The following C12orf42 variants were observed in gnomAD, a reference collection of about 807,000 sequenced individuals.
C12orf42 encodes chromosome 12 open reading frame 42, also known as uncharacterized protein C12orf42.
In C12orf42, 25 loss-of-function variants were observed where a neutral mutation model predicts 21.6. The observed-to-expected ratio is 1.16, with a 90% confidence interval of 0.84 to 1.62. The LOEUF (loss-of-function observed/expected upper bound fraction) is 1.62. Ranked by LOEUF, C12orf42 falls within the 40% of genes most tolerant of loss-of-function variation. The pLI is 0.00. For missense variants in C12orf42, 483 were observed against 459.3 expected (o/e 1.05, Z -0.47); for synonymous variants, 174 against 175.0 (o/e 0.99, Z 0.05).
At chr12:103,226,527 A>G in the C12orf42 span, among the ~76,000 whole-genome samples, 12 of 152,288 alleles carry the variant, frequency 7.9e-5, no homozygotes, top group Admixed American at 3.9e-4. Context: ...GATTTGGGAT[A>G]AAGAAAAAGG....
chr12:103,377,528 G>A, intron 3 of C12orf42, among the ~76,000 whole-genome samples: 1 of 152,086 alleles, frequency 6.6e-6, no homozygotes, highest in East Asian at 1.9e-4. Flanking sequence ...AGAGCAGGAG[G>A]AAAGGGCCCG....
rs376145997 is a variant in C12orf42, at chr12:103,369,123, A to C, written c.148-125T>G. 798 of 550,842 alleles carry C rather than the reference A, an allele frequency of 1.4e-3. 7 individuals are homozygous for C. The highest frequency in any genetic ancestry group is 0.013 in the African/African-American group (671 of 52,342). The allele number at this position is 550,842 out of a possible 1,614,324, so 34.1% of individuals were successfully genotyped here. ...ATTTTAAAAATATTTTTGTTTCTTT[A>C]TTCTTTAAATGAAACAATCCTGAAA... On this transcript the variant is annotated intron_variant, in intron 3 of 5. Transcript: ENST00000548883.
rs77343308 is a variant in C12orf42, at chr12:103,241,914, A to G, written c.*1367-4012T>C. Among the ~76,000 whole-genome samples, 506 of 152,278 alleles carry G rather than the reference A, an allele frequency of 3.3e-3. 6 individuals are homozygous for G. The highest frequency in any genetic ancestry group is 0.012 in the African/African-American group (491 of 41,570). On this transcript the variant is annotated intron_variant and NMD_transcript_variant, in intron 10 of 10. Coordinates refer to the C12orf42 transcript ENST00000547347. ...AAGAATGATTTTAAAATAAATGTAT[A>G]GGCACTAAACCTCAAGGTGGTTACT... is the stretch of plus-strand genomic sequence containing the variant.
chr12:103,335,483 T>C (rs1364828591), intron 4 of C12orf42, among the ~76,000 whole-genome samples: 3 of 152,206 alleles, frequency 2.0e-5, no homozygotes, highest in Non-Finnish European at 4.4e-5. Context: ...TTATTTAACA[T>C]ATATGGTGCA....
At chr12:103,182,826 A>T in the C12orf42 span, among the ~76,000 whole-genome samples, 2 of 152,266 alleles carry the variant, frequency 1.3e-5, no homozygotes, top group Non-Finnish European at 2.9e-5. Context: ...AAACAATGTG[A>T]TATCACAACC....
the C12orf42 span, among the ~76,000 whole-genome samples, chr12:103,082,348 T>C: frequency 1.3e-5 from 2 of 152,220 alleles, no homozygotes; most frequent in African/African-American, 2.4e-5. Flanking sequence ...AAAACTGGAA[T>C]GTATGATTAC....
the C12orf42 span, among the ~76,000 whole-genome samples, chr12:103,507,717 C>G: frequency 2.6e-5 from 4 of 151,824 alleles, no homozygotes; most frequent in African/African-American, 7.3e-5. Context: ...TAAAGTCAAC[C>G]TTTCATCGAC....
At chr12:103,463,935 T>C (rs958100467) in intron 2 of C12orf42, among the ~76,000 whole-genome samples, 5 of 152,252 alleles carry the variant, frequency 3.3e-5, no homozygotes, top group Non-Finnish European at 5.9e-5. Context: ...TAGTATTCCA[T>C]GGTGTATATG....
intron 2 of C12orf42, among the ~76,000 whole-genome samples, chr12:103,405,918 A>G (rs1330245596): frequency 6.6e-6 from 1 of 152,154 alleles, no homozygotes; most frequent in Non-Finnish European, 1.5e-5. Flanking sequence ...CACTTACTTG[A>G]ACCCTTTTTA....
chr12:103,160,395 T>G, the C12orf42 span, among the ~76,000 whole-genome samples: 1 of 152,250 alleles, frequency 6.6e-6, no homozygotes, highest in Non-Finnish European at 1.5e-5. Flanking sequence ...TACCCTGTTC[T>G]CTAATACCCT....
chr12:103,068,318 C>T, the C12orf42 span, among the ~76,000 whole-genome samples: 1 of 152,066 alleles, frequency 6.6e-6, no homozygotes, highest in Non-Finnish European at 1.5e-5. Flanking sequence ...AGTATTGTTA[C>T]TTAAATATGT....
intron 4 of C12orf42, among the ~76,000 whole-genome samples, chr12:103,324,323 A>G (rs977334329): frequency 7.2e-5 from 11 of 152,198 alleles, no homozygotes; most frequent in Non-Finnish European, 7.3e-5. Flanking sequence ...TGAGTAATTT[A>G]TCACTCTATT....
intron 10 of C12orf42, among the ~76,000 whole-genome samples, chr12:103,242,883 T>G (rs979288810): frequency 6.6e-6 from 1 of 152,196 alleles, no homozygotes; most frequent in African/African-American, 2.4e-5. Context: ...AAAGGAAGTT[T>G]GCTAATAAAA....
chr12:103,080,850 A>T, the C12orf42 span: 1 of 152,218 alleles, frequency 6.6e-6, no homozygotes, highest in Non-Finnish European at 1.5e-5. Context: ...TGAGATGAGT[A>T]ATTATAATCA....
At chr12:103,539,363 T>C in the C12orf42 span, among the ~76,000 whole-genome samples, 7 of 45,974 alleles carry the variant, frequency 1.5e-4, no homozygotes, top group Admixed American at 3.3e-4. Context: ...TGCTTGGTTC[T>C]TTTTTTTTTA....
the C12orf42 span, among the ~76,000 whole-genome samples, chr12:103,169,073 T>C: frequency 2.0e-5 from 3 of 151,964 alleles, no homozygotes; most frequent in Non-Finnish European, 1.5e-5. Context: ...GACAGGTTGA[T>C]TGGTGCAGCA....
intron 4 of C12orf42, among the ~76,000 whole-genome samples, chr12:103,280,266 G>A (rs2036023174): frequency 6.6e-6 from 1 of 152,178 alleles, no homozygotes; most frequent in Non-Finnish European, 1.5e-5. Context: ...ATGTAATCCA[G>A]TGGCAGGGTC....
At chr12:103,159,471 C>G in the C12orf42 span, 2 of 152,230 alleles carry the variant, frequency 1.3e-5, no homozygotes, top group African/African-American at 4.8e-5. Context: ...AGCTTCCAGT[C>G]TTGTCACTAA....
rs1478373560 is a variant in C12orf42, at chr12:103,302,168, AC to A, written c.1022del (p.Arg341LeufsTer15). The A allele has an allele frequency of 6.3e-7, 1 of 1,577,112 alleles. No individual in the cohort carries two copies. The highest frequency in any genetic ancestry group is 1.1e-5 in the South Asian group (1 of 89,882). ...CSSAPPRPTR[R>X]FHTVCSQALS... ...GGGCCTGTGAACAAACCGTATGGAAACGCCGGGTTGGGCGGGGGGGTGCTGA... is the reference window on the plus strand; with the variant it reads ...GGGCCTGTGAACAAACCGTATGGAAAGCCGGGTTGGGCGGGGGGGTGCTGA... On this transcript the variant is annotated frameshift_variant, in exon 6 of 6. Coordinates refer to ENST00000548883, the MANE Select transcript of C12orf42 (RefSeq NM_198521.5). LOFTEE classifies it high-confidence loss of function.
Sources: allele counts gnomAD v4.1 joint callset (sites outside exome capture counted in the v4.1 genomes callset), GRCh38; gene constraint gnomAD v4.1.1; transcripts MANE v1.5; gene names NCBI Gene and HGNC (gene_info 2026-07-23, HGNC 2026-07-21).